The following NUDCD3 variants were observed in gnomAD, a reference collection of about 807,000 sequenced individuals.
NUDCD3 encodes the protein nudC domain-containing protein 3.
In NUDCD3, 13 loss-of-function variants were observed where a neutral mutation model predicts 39.7. That is an observed-to-expected ratio of 0.33 (90% CI 0.21 to 0.52). The LOEUF (loss-of-function observed/expected upper bound fraction) is 0.52. Among genes scored for constraint, NUDCD3 ranks in the 20% least tolerant of loss-of-function variants. The pLI, the probability that NUDCD3 is intolerant of heterozygous loss-of-function variation, is 0.96. For synonymous variants in NUDCD3, 175 were observed against 172.4 expected (o/e 1.02, Z -0.12); for missense variants, 453 against 458.1 (o/e 0.99, Z 0.10).
At chr7:44,411,745 AAGTTAATTATAG>A (rs1340012374) in intron 3 of NUDCD3, among the ~76,000 whole-genome samples, 1 of 152,256 alleles carries the variant, frequency 6.6e-6, no homozygotes, top group African/African-American at 2.4e-5. Flanking sequence ...GTTCCTCAAA[AAGTTAATTATAG>A]AGGTACCACA....
intron 4 of NUDCD3, among the ~76,000 whole-genome samples, chr7:44,396,777 T>C (rs1161330948): frequency 6.6e-6 from 1 of 152,208 alleles, no homozygotes; most frequent in Non-Finnish European, 1.5e-5. Context: ...TAGTTAACCT[T>C]AAAAACCACT....
At chr7:44,427,175 A>G (rs1799251972) in intron 3 of NUDCD3, among the ~76,000 whole-genome samples, 1 of 152,196 alleles carries the variant, frequency 6.6e-6, no homozygotes, top group South Asian at 2.1e-4. Context: ...TTTAATCTTT[A>G]GGAAAAAAGA....
At chr7:44,386,508 C>T (rs1357994822) in intron 5 of NUDCD3, among the ~76,000 whole-genome samples, 1 of 152,196 alleles carries the variant, frequency 6.6e-6, no homozygotes, top group Admixed American at 6.5e-5. Flanking sequence ...TGTCCCAGCC[C>T]ACCAGGGTTG....
chr7:44,387,900 A>T (rs3812253), intron 5 of NUDCD3, among the ~76,000 whole-genome samples: 7,709 of 152,272 alleles, frequency 0.051, 543 homozygotes, highest in East Asian at 0.25. Context: ...TGTTAGGGTG[A>T]ATCCTACCAG....
chr7:44,399,529 G>A (rs1005481927), intron 4 of NUDCD3, among the ~76,000 whole-genome samples: 1 of 152,180 alleles, frequency 6.6e-6, no homozygotes, highest in African/African-American at 2.4e-5. Context: ...AAAGTGGCTC[G>A]CCAATGAGGA....
In NUDCD3 at chr7:44,380,404, G is replaced by C. The variant is rs988174926; in HGVS notation, c.*5607C>G. Reference sequence around the variant, plus strand: ...TGCCAAGCTTAGAAATGTCACCCTGGAGTCACAAAATCCCTTCTTTGCATT... The same window carrying C: ...TGCCAAGCTTAGAAATGTCACCCTGCAGTCACAAAATCCCTTCTTTGCATT... On this transcript the variant is annotated 3_prime_UTR_variant, in exon 6 of 6. Coordinates refer to ENST00000355451, the MANE Select transcript of NUDCD3 (RefSeq NM_015332.4). The C allele has an allele frequency of 2.6e-5, 4 of 152,276 alleles. No homozygotes were observed. The East Asian group carries it at 5.8e-4, about 22-fold the overall frequency. The allele number at this position is 152,276 out of a possible 1,614,324, so 9.4% of individuals were successfully genotyped here. A position where few individuals can be genotyped will look rare whatever the true frequency, so the allele number is the denominator to read the frequency against.
chr7:44,404,551 A>C lies in NUDCD3; in HGVS notation c.675T>G (p.Arg225=). The change falls in exon 4 of 6, where the codon CGT becomes CGG. Residue 225 remains arginine, a synonymous_variant. Coordinates refer to ENST00000355451, the MANE Select transcript of NUDCD3 (RefSeq NM_015332.4). ...VSVALSSSSI[R]VAMLEENGER... ...CCCCATTTTCCTCCAGCATGGCCAC[A>C]CGAATGGAGCTGCTGCTAAGGGCCA... 1 of 1,613,954 alleles carries C rather than the reference A, an allele frequency of 6.2e-7. No individual in the cohort carries two copies. The highest frequency in any genetic ancestry group is 8.5e-7 in the Non-Finnish European group (1 of 1,179,996).
chr7:44,487,347 C>T (rs531206843), intron 1 of NUDCD3, among the ~76,000 whole-genome samples: 1 of 152,208 alleles, frequency 6.6e-6, no homozygotes, highest in East Asian at 1.9e-4. Flanking sequence ...GCCCAGCACT[C>T]CCATCCAAAT....
intron 4 of NUDCD3, among the ~76,000 whole-genome samples, chr7:44,397,203 C>CT (rs1227685713): frequency 6.6e-6 from 1 of 152,228 alleles, no homozygotes; most frequent in Non-Finnish European, 1.5e-5. Context: ...CTGCTGCCTC[C>CT]TTTGAGTGTG....
At chr7:44,463,853 T>C (rs563352691) in intron 2 of NUDCD3, among the ~76,000 whole-genome samples, 3 of 152,068 alleles carry the variant, frequency 2.0e-5, no homozygotes, top group East Asian at 1.9e-4. Flanking sequence ...TTCAAAGAAA[T>C]ATATTTTCTG....
chr7:44,385,188 C>T lies in NUDCD3; in HGVS notation c.*823G>A, dbSNP rs1798380109. 1 of 152,260 alleles carries T rather than the reference C, an allele frequency of 6.6e-6. No homozygotes were observed. The highest frequency in any genetic ancestry group is 6.5e-5 in the Admixed American group (1 of 15,276). The allele number at this position is 152,260 out of a possible 1,614,324, so 9.4% of individuals were successfully genotyped here. A position where few individuals can be genotyped will look rare whatever the true frequency, so the allele number is the denominator to read the frequency against. ...TGTGGTCTCCTCCTGAGGGCACCAG[C>T]TCTCCACTCCTGCCCACACTTTGAC... On this transcript the variant is annotated 3_prime_UTR_variant, in exon 6 of 6. Coordinates refer to ENST00000355451, the MANE Select transcript of NUDCD3 (RefSeq NM_015332.4).
In NUDCD3 at chr7:44,448,701, C is replaced by T. The variant is rs115286420; in HGVS notation, c.510-20998G>A. Among the ~76,000 whole-genome samples, 794 of 152,282 alleles carry T rather than the reference C, an allele frequency of 5.2e-3. 6 individuals carry two copies. Among genetic ancestry groups the T allele is most frequent in the African/African-American group, 0.017 (711 of 41,552 alleles). ...ACAAGAACCTACCTCCAGACCCCTG[C>T]TCCAGCTCAGGCAGGAAGTTGGACA... is the stretch of plus-strand genomic sequence containing the variant. On this transcript the variant is annotated intron_variant, in intron 2 of 5. Transcript: ENST00000355451.
At chr7:44,469,976 C>A (rs1288672946) in intron 2 of NUDCD3, among the ~76,000 whole-genome samples, 2 of 152,064 alleles carry the variant, frequency 1.3e-5, no homozygotes, top group East Asian at 1.9e-4. Flanking sequence ...CAAATTGAAC[C>A]CTGAGCCAAG....
At chr7:44,447,243 T>A (rs1185982878) in intron 2 of NUDCD3, among the ~76,000 whole-genome samples, 1 of 152,070 alleles carries the variant, frequency 6.6e-6, no homozygotes, top group Non-Finnish European at 1.5e-5. Flanking sequence ...AAACCAAAAG[T>A]CTCCAGAGGA....
chr7:44,479,155 G>A (rs889376376), intron 2 of NUDCD3, among the ~76,000 whole-genome samples: 4 of 152,100 alleles, frequency 2.6e-5, no homozygotes, highest in Admixed American at 6.5e-5. Context: ...GCCTCCCACC[G>A]GGTCCCTCCC....
At chr7:44,399,538 G>A (rs1238526997) in intron 4 of NUDCD3, among the ~76,000 whole-genome samples, 3 of 152,222 alleles carry the variant, frequency 2.0e-5, no homozygotes, top group Non-Finnish European at 4.4e-5. Context: ...CGCCAATGAG[G>A]ACAAGTAGAC....
At chr7:44,462,568 A>G (rs1386275933) in intron 2 of NUDCD3, among the ~76,000 whole-genome samples, 3 of 152,256 alleles carry the variant, frequency 2.0e-5, no homozygotes, top group Admixed American at 2.0e-4. Context: ...ATGAAAACAG[A>G]AAACTCCTAC....
intron 1 of NUDCD3, among the ~76,000 whole-genome samples, chr7:44,488,096 G>A (rs1173818489): frequency 6.6e-6 from 1 of 152,094 alleles, no homozygotes; most frequent in Non-Finnish European, 1.5e-5. Context: ...TAGCACTTTA[G>A]GAGGCCGAGG....
chr7:44,406,013 G>GGCCCCAA, intron 3 of NUDCD3, among the ~76,000 whole-genome samples: 1 of 152,096 alleles, frequency 6.6e-6, no homozygotes. Flanking sequence ...TGCCCAGGCT[G>GGCCCCAA]GTCTCGAACT....
Sources: gnomAD v4.1 joint callset for allele counts (sites outside exome capture counted in the v4.1 genomes callset) on GRCh38, gnomAD v4.1.1 for gene constraint, MANE v1.5 for transcripts, NCBI Gene and HGNC (gene_info 2026-07-23, HGNC 2026-07-21) for gene names.